ERH: variants seen among roughly 807,000 people sequenced by gnomAD.
The protein encoded by ERH is enhancer of rudimentary homolog.
In ERH, 1 loss-of-function variant was observed where a neutral mutation model predicts 16.8. That is an observed-to-expected ratio of 0.06 (90% CI 0.02 to 0.28). ERH has a LOEUF of 0.28. ERH is among the 10% of genes least tolerant of loss of function. The probability of loss-of-function intolerance (pLI) is 1.00; values close to 1 mark genes in which losing one functional copy is unlikely to be tolerated. For synonymous variants in ERH, 43 were observed against 43.6 expected (o/e 0.99, Z 0.05); for missense variants, 42 against 127.5 (o/e 0.33, Z 3.23).
At chr14:69,395,033 G>C (rs774710774) in intron 1 of ERH, 121 bp from the exon 2 acceptor site, 4 of 700,960 alleles carry the variant, frequency 5.7e-6, no homozygotes, top group African/African-American at 3.6e-5. Context: ...AATTAGAGAG[G>C]CCAGGCATGG....
intron 3 of ERH, among the ~76,000 whole-genome samples, chr14:69,385,500 T>C (rs1201658816): frequency 3.3e-5 from 5 of 152,042 alleles, no homozygotes; most frequent in Admixed American, 3.3e-4. Context: ...AAGAGCCAAT[T>C]TGAGCTATCA....
At chr14:69,387,160 G>A in intron 2 of ERH, 77 bp from the exon 3 acceptor site, 2 of 1,183,836 alleles carry the variant, frequency 1.7e-6, no homozygotes, top group Non-Finnish European at 2.4e-6. Context: ...TATGAGCTGT[G>A]CTATATGTTG....
chr14:69,394,885 T>A lies in ERH; in HGVS notation c.31A>T (p.Thr11Ser). ...TAAGTTCTGCCTTCTGGCCTCTTGGTAGGCTGTACCAGCAAAATGGTGTGA... is the reference window on the plus strand; with the variant it reads ...TAAGTTCTGCCTTCTGGCCTCTTGGAAGGCTGTACCAGCAAAATGGTGTGA... MSHTILLVQP[T>S]KRPEGRTYAD... Residue 11 changes from threonine (T) to serine (S), a missense_variant, in exon 2 of 4, where the codon ACC becomes TCC. By Grantham distance (58) the Thr-to-Ser change is moderately conservative. Transcript: ENST00000557016. 6.2e-7 allele frequency: 1 copy of A among 1,613,786 alleles called. No individual in the cohort carries two copies. Among genetic ancestry groups the A allele is most frequent in the South Asian group, 1.1e-5 (1 of 91,070 alleles).
Position 69,387,121 on chromosome 14 carries a change from C to T in ERH, c.92-38G>A, listed in dbSNP as rs370350818. ...AGGAAAAAAAGCAAAATCTTACAAT[C>T]GCATACACTTCTAGATATGAGCAGT... is the stretch of plus-strand genomic sequence containing the variant. On this transcript the variant is annotated intron_variant, in intron 2 of 3. Coordinates refer to ENST00000557016, the MANE Select transcript of ERH (RefSeq NM_004450.3). 7.5e-5 allele frequency: 119 copies of T among 1,587,134 alleles called. 1 individual carries two copies. Among genetic ancestry groups the T allele is most frequent in the African/African-American group, 1.9e-4 (14 of 74,360 alleles).
At chr14:69,396,940 G>A (rs371840621) in intron 1 of ERH, among the ~76,000 whole-genome samples, 2 of 152,318 alleles carry the variant, frequency 1.3e-5, no homozygotes, top group South Asian at 2.1e-4. Context: ...TAGAAACCAC[G>A]TGCATTCTTG....
chr14:69,394,584 G>T (rs139771543), intron 2 of ERH, among the ~76,000 whole-genome samples: 1 of 151,404 alleles, frequency 6.6e-6, no homozygotes, highest in Admixed American at 6.6e-5. Context: ...GTGATAGAGC[G>T]AGACTCTGTC....
In ERH at chr14:69,381,057, T is replaced by TG. The variant is rs374608176; in HGVS notation, c.213-418dup. ...CAGCACTTTGGGAGGCTGAGGCGGG[T>TG]GATCACTTGAGGTCAGGAGTTCAAG... On this transcript the variant is annotated intron_variant, in intron 3 of 3. Coordinates refer to ENST00000557016, the MANE Select transcript of ERH (RefSeq NM_004450.3). Among the ~76,000 whole-genome samples the TG allele has an allele frequency of 3.1e-3, 478 of 151,838 alleles. 4 individuals are homozygous for TG. The highest frequency in any genetic ancestry group is 0.011 in the African/African-American group (464 of 41,416).
At chr14:69,391,122 C>T (rs934199038) in intron 2 of ERH, among the ~76,000 whole-genome samples, 3 of 152,148 alleles carry the variant, frequency 2.0e-5, no homozygotes, top group African/African-American at 7.2e-5. Flanking sequence ...AATCACTCTC[C>T]TACGTATTTA....
intron 1 of ERH, among the ~76,000 whole-genome samples, chr14:69,395,890 A>G (rs1018227275): frequency 6.6e-6 from 1 of 152,192 alleles, no homozygotes; most frequent in African/African-American, 2.4e-5. Context: ...TAGCAGACAG[A>G]CTTGTCTTCC....
At chr14:69,381,854 A>G (rs1415571793) in intron 3 of ERH, among the ~76,000 whole-genome samples, 1 of 152,042 alleles carries the variant, frequency 6.6e-6, no homozygotes, top group Non-Finnish European at 1.5e-5. Context: ...ACGTCCAGCT[A>G]ATGTTTTGTA....
At chr14:69,386,356 T>C (rs17764155) in intron 3 of ERH, among the ~76,000 whole-genome samples, 47,517 of 152,082 alleles carry the variant, frequency 0.31, 7,628 homozygotes, top group Middle Eastern at 0.46. Flanking sequence ...TATTGTATCA[T>C]AAGGTGCTTC....
chr14:69,380,620 G>A lies in ERH; in HGVS notation c.233C>T (p.Thr78Ile). 6.2e-7 allele frequency: 1 copy of A among 1,609,084 alleles called. No individual in the cohort carries two copies. The highest frequency in any genetic ancestry group is 8.5e-7 in the Non-Finnish European group (1 of 1,176,350). ...CCAGTCTTTGTTATAAGGCTGGTAT[G>A]TCTGGGTATCAGCTCGGTAACTGAG... ...SCLVYRADTQ[T>I]YQPYNKDWIK... Residue 78 changes from threonine to isoleucine, a missense_variant, in exon 4 of 4, where the codon ACA becomes ATA. Coordinates refer to ENST00000557016, the MANE Select transcript of ERH (RefSeq NM_004450.3).
chr14:69,392,161 G>A (rs1233964871), intron 2 of ERH, among the ~76,000 whole-genome samples: 1 of 146,896 alleles, frequency 6.8e-6, no homozygotes, highest in African/African-American at 2.5e-5. Flanking sequence ...TTAAAAAAAA[G>A]GGGGGAGGAA....
At chr14:69,398,077 C>G (rs927706236) in intron 1 of ERH, 154 bp downstream of exon 1, 5 of 999,256 alleles carry the variant, frequency 5.0e-6, no homozygotes, top group Non-Finnish European at 6.0e-6. Context: ...CCTGGCGTCC[C>G]TGCGGCGGGA....
intron 3 of ERH, among the ~76,000 whole-genome samples, chr14:69,381,090 T>C (rs925558083): frequency 1.3e-5 from 2 of 152,220 alleles, no homozygotes; most frequent in Admixed American, 6.5e-5. Flanking sequence ...AAGACTAGCC[T>C]GGCCAACATG....
intron 3 of ERH, among the ~76,000 whole-genome samples, chr14:69,386,377 G>A (rs906351091): frequency 1.3e-5 from 2 of 152,060 alleles, no homozygotes; most frequent in Admixed American, 6.5e-5. Flanking sequence ...CATTTTCCTC[G>A]GTTAAATGAG....
intron 2 of ERH, among the ~76,000 whole-genome samples, chr14:69,387,811 AAG>A (rs1055612677): frequency 4.5e-4 from 69 of 152,184 alleles, no homozygotes; most frequent in African/African-American, 1.6e-3. Flanking sequence ...TTGGGAGGCC[AAG>A]GCGGGCGGAT....
intron 3 of ERH, among the ~76,000 whole-genome samples, chr14:69,385,294 T>C (rs949068044): frequency 2.0e-5 from 3 of 152,198 alleles, no homozygotes; most frequent in African/African-American, 7.2e-5. Context: ...GGACACTTAA[T>C]GCATCCCTGA....
intron 2 of ERH, 43 bp from the exon 3 acceptor site, chr14:69,387,126 A>T (rs1390425954): frequency 1.3e-6 from 2 of 1,574,680 alleles, no homozygotes; most frequent in East Asian, 4.5e-5. Flanking sequence ...ACAATCGCAT[A>T]CACTTCTAGA....
Sources: allele counts gnomAD v4.1 joint callset (sites outside exome capture counted in the v4.1 genomes callset), GRCh38; gene constraint gnomAD v4.1.1; transcripts MANE v1.5; gene names NCBI Gene and HGNC (gene_info 2026-07-23, HGNC 2026-07-21).